ASTN2: variants seen among roughly 807,000 people sequenced by gnomAD.
ASTN2 encodes astrotactin-2.
In ASTN2, 54 loss-of-function variants were observed where a neutral mutation model predicts 139.8. That is an observed-to-expected ratio of 0.39 (90% CI 0.31 to 0.48). The LOEUF is 0.48. Ranked by LOEUF, ASTN2 falls within the 20% of genes least tolerant of loss-of-function variation. ASTN2 has a pLI of 0.95. For synonymous variants in ASTN2, 756 were observed against 719.5 expected, an observed-to-expected ratio of 1.05 and a Z score of -0.81; for missense variants, 1,565 against 1,725.1, an observed-to-expected ratio of 0.91 and a Z score of 1.64.
chr9:116,481,435 C>T (rs1849164514), intron 20 of ASTN2, among the ~76,000 whole-genome samples: 1 of 152,070 alleles, frequency 6.6e-6, no homozygotes, highest in African/African-American at 2.4e-5. Flanking sequence ...AGAAACTTGC[C>T]CAAGGCCACA....
chr9:116,576,001 G>C (rs1373541380), intron 19 of ASTN2, among the ~76,000 whole-genome samples: 1 of 152,084 alleles, frequency 6.6e-6, no homozygotes, highest in Non-Finnish European at 1.5e-5. Flanking sequence ...TCCCAACCTG[G>C]GAAGCATTTT....
At chr9:117,064,946 A>C (rs1384038982) in intron 5 of ASTN2, among the ~76,000 whole-genome samples, 1 of 152,108 alleles carries the variant, frequency 6.6e-6, no homozygotes, top group African/African-American at 2.4e-5. Context: ...CTGGAACCTC[A>C]GAATTGACCT....
rs147315278 is a variant in ASTN2, at chr9:117,262,280, A to G, written c.630+29046T>C. On this transcript the variant is annotated intron_variant, in intron 2 of 22. Transcript: ENST00000313400. ...GTTTTTCCTGTGGTTAGGCAGAGCC[A>G]TAAGATACGGTACTCAAATGTAAGG... Among the ~76,000 whole-genome samples the G allele has an allele frequency of 2.1e-3, 313 of 152,330 alleles. 3 individuals carry two copies. Among genetic ancestry groups the G allele is most frequent in the African/African-American group, 7.0e-3 (289 of 41,580 alleles).
chr9:116,697,884 C>T (rs1860949688), intron 16 of ASTN2: 1 of 1,614,202 alleles, frequency 6.2e-7, no homozygotes. Flanking sequence ...CCGCCAGTGC[C>T]TGGAGAAGCT....
At chr9:117,228,547 A>G (rs1832787611) in intron 2 of ASTN2, among the ~76,000 whole-genome samples, 1 of 152,102 alleles carries the variant, frequency 6.6e-6, no homozygotes, top group South Asian at 2.1e-4. Flanking sequence ...CAAGCATAAG[A>G]TGCCCATCAA....
At chr9:116,459,220 A>G (rs1285935237) in intron 20 of ASTN2, among the ~76,000 whole-genome samples, 4 of 152,090 alleles carry the variant, frequency 2.6e-5, no homozygotes, top group African/African-American at 9.7e-5. Flanking sequence ...CGTCAAGTGA[A>G]TAAAGTGGGA....
At chr9:116,863,800 G>T in intron 10 of ASTN2, 67 bp from the exon 11 acceptor site, 1 of 1,443,214 alleles carries the variant, frequency 6.9e-7, no homozygotes, top group Non-Finnish European at 9.3e-7. Context: ...AAATAATAAT[G>T]TGAATTCATT....
chr9:117,119,016 C>A (rs1341693486), intron 4 of ASTN2, among the ~76,000 whole-genome samples: 1 of 152,154 alleles, frequency 6.6e-6, no homozygotes, highest in Non-Finnish European at 1.5e-5. Context: ...AGAATAGAAC[C>A]TGCAGGAGTT....
intron 14 of ASTN2, among the ~76,000 whole-genome samples, chr9:116,731,384 A>G (rs759053544): frequency 6.6e-6 from 1 of 151,920 alleles, no homozygotes; most frequent in African/African-American, 2.4e-5. Context: ...CCTAAAAAAA[A>G]ATTATCATAC....
At chr9:116,771,539 C>G (rs1240678074) in intron 13 of ASTN2, among the ~76,000 whole-genome samples, 1 of 152,182 alleles carries the variant, frequency 6.6e-6, no homozygotes. Flanking sequence ...CTACTCCCAG[C>G]ACCTCACTCA....
At chr9:116,976,842 T>C in intron 7 of ASTN2, 57 bp from the exon 8 acceptor site, 3 of 1,521,286 alleles carry the variant, frequency 2.0e-6, no homozygotes, top group Non-Finnish European at 2.7e-6. Context: ...AATAGGCTTT[T>C]CTCTGGTTTG....
intron 13 of ASTN2, among the ~76,000 whole-genome samples, chr9:116,803,682 G>C (rs1174515469): frequency 1.3e-5 from 2 of 150,564 alleles, no homozygotes; most frequent in Non-Finnish European, 3.0e-5. Flanking sequence ...CTGCCACTAC[G>C]CCTGGCTATT....
At position 116,622,275 on chromosome 9, in the gene ASTN2, T is replaced by C. The variant is rs1014451400; in HGVS notation, c.3073-1832A>G. Reference sequence around the variant, plus strand: ...GTGTAAGCTTCCATCACATTTCTCCTGGAAGTTGACAAAAAGTCTCCAATT... The same window carrying C: ...GTGTAAGCTTCCATCACATTTCTCCCGGAAGTTGACAAAAAGTCTCCAATT... On this transcript the variant is annotated intron_variant, in intron 17 of 22. Coordinates refer to ENST00000313400, the MANE Select transcript of ASTN2 (RefSeq NM_001365068.1). Among the ~76,000 whole-genome samples the C allele has an allele frequency of 3.9e-5, 6 of 152,314 alleles. No individual in the cohort carries two copies. The East Asian group carries it at 9.6e-4, about 24-fold the overall frequency.
chr9:117,283,046 T>A (rs1456855401), intron 2 of ASTN2, among the ~76,000 whole-genome samples: 5 of 150,634 alleles, frequency 3.3e-5, no homozygotes, highest in African/African-American at 1.2e-4. Context: ...GATGTTATGA[T>A]TTTAATTTTA....
chr9:116,983,190 G>A (rs970546615), intron 7 of ASTN2, among the ~76,000 whole-genome samples: 6 of 152,146 alleles, frequency 3.9e-5, no homozygotes, highest in Non-Finnish European at 7.4e-5. Context: ...AATAAACATG[G>A]ATCCCTTCCC....
At chr9:116,580,328 G>T (rs1255643952) in intron 19 of ASTN2, among the ~76,000 whole-genome samples, 1 of 152,086 alleles carries the variant, frequency 6.6e-6, no homozygotes, top group East Asian at 1.9e-4. Context: ...CTAATAGAGG[G>T]GCAAGAGGTA....
chr9:117,386,320 G>A (rs980186784), intron 1 of ASTN2, among the ~76,000 whole-genome samples: 29 of 152,110 alleles, frequency 1.9e-4, no homozygotes, highest in South Asian at 1.2e-3. Flanking sequence ...ACCGCTATTC[G>A]CAGTTAACAT....
chr9:116,432,180 G>C (rs191702296), intron 22 of ASTN2, among the ~76,000 whole-genome samples: 14 of 152,272 alleles, frequency 9.2e-5, no homozygotes, highest in African/African-American at 3.1e-4. Context: ...GAATTCCTGA[G>C]CTGAGAGGAC....
intron 1 of ASTN2, among the ~76,000 whole-genome samples, chr9:117,344,280 G>A (rs1157392594): frequency 6.6e-6 from 1 of 152,232 alleles, no homozygotes; most frequent in East Asian, 1.9e-4. Context: ...CTCTACGTAT[G>A]GAAATGAATC....
Sources: allele counts gnomAD v4.1 joint callset (sites outside exome capture counted in the v4.1 genomes callset), GRCh38; gene constraint gnomAD v4.1.1; transcripts MANE v1.5; gene names NCBI Gene and HGNC (gene_info 2026-07-23, HGNC 2026-07-21).